The following ATRNL1 variants were observed in gnomAD, a reference collection of about 807,000 sequenced individuals.
The protein encoded by ATRNL1 is attractin like 1.
ATRNL1 carries 95 observed loss-of-function variants against 182.7 expected under a neutral mutation model. That is an observed-to-expected ratio of 0.52 (90% confidence interval 0.44 to 0.62). The LOEUF is 0.62. Among genes scored for constraint, ATRNL1 ranks in the 20% least tolerant of loss-of-function variants. The pLI is 0.00. For missense variants in ATRNL1, 1,471 were observed against 1,679.5 expected (o/e 0.88, Z 2.17); for synonymous variants, 576 against 568.3 (o/e 1.01, Z -0.19).
Position 115,185,866 on chromosome 10 carries a change from A to T in ATRNL1, c.1348+14574A>T, listed in dbSNP as rs139229811. On this transcript the variant is annotated intron_variant, in intron 8 of 28. Coordinates refer to ENST00000355044, the MANE Select transcript of ATRNL1 (RefSeq NM_207303.4). Reference sequence around the variant, plus strand: ...AATTGGACACTGTGTGCCTTTGTATATAATACCTACAGAAAGAGACATTAC... The same window carrying T: ...AATTGGACACTGTGTGCCTTTGTATTTAATACCTACAGAAAGAGACATTAC... 6.8e-3 allele frequency among the ~76,000 whole-genome samples: 1,031 copies of T among 152,174 alleles called. 4 individuals carry two copies. The highest frequency in any genetic ancestry group is 7.5e-3 in the Non-Finnish European group (507 of 67,970).
chr10:115,618,475 A>G (rs1857551788), intron 26 of ATRNL1, among the ~76,000 whole-genome samples: 2 of 152,128 alleles, frequency 1.3e-5, no homozygotes, highest in Admixed American at 6.5e-5. Context: ...ACTTATTTGC[A>G]TAATGGTATT....
At chr10:115,472,918 T>C (rs1848370383) in intron 24 of ATRNL1, among the ~76,000 whole-genome samples, 2 of 151,138 alleles carry the variant, frequency 1.3e-5, no homozygotes, top group Admixed American at 6.6e-5. Context: ...GTTTCTTTGC[T>C]AAAATTAGAG....
intron 19 of ATRNL1, among the ~76,000 whole-genome samples, chr10:115,382,007 A>G (rs1489508792): frequency 6.6e-6 from 1 of 152,158 alleles, no homozygotes; most frequent in Non-Finnish European, 1.5e-5. Flanking sequence ...TCAATTGGCC[A>G]TAAGTGTAAT....
chr10:115,138,400 T>C (rs1179915645), intron 5 of ATRNL1, among the ~76,000 whole-genome samples: 1 of 152,222 alleles, frequency 6.6e-6, no homozygotes, highest in African/African-American at 2.4e-5. Flanking sequence ...AGGTTCTCCA[T>C]GAGGGCTCTG....
At chr10:115,151,068 T>C (rs1846204031) in intron 5 of ATRNL1, among the ~76,000 whole-genome samples, 1 of 152,268 alleles carries the variant, frequency 6.6e-6, no homozygotes, top group Non-Finnish European at 1.5e-5. Context: ...TTTTTATTGC[T>C]GCATAGTATG....
intron 1 of ATRNL1, among the ~76,000 whole-genome samples, chr10:115,106,456 T>C (rs1172978066): frequency 6.6e-6 from 1 of 152,094 alleles, no homozygotes; most frequent in Non-Finnish European, 1.5e-5. Context: ...TGTTTTGAAA[T>C]GTGAGGACAT....
chr10:115,660,758 T>C (rs1860632448), intron 26 of ATRNL1, among the ~76,000 whole-genome samples: 1 of 152,162 alleles, frequency 6.6e-6, no homozygotes, highest in South Asian at 2.1e-4. Flanking sequence ...TTTCAAGTAT[T>C]TTTTTCCCTG....
chr10:115,478,490 GCTT>G (rs1287554446), intron 24 of ATRNL1, among the ~76,000 whole-genome samples: 1 of 151,684 alleles, frequency 6.6e-6, no homozygotes, highest in Admixed American at 6.6e-5. Flanking sequence ...ATGACACTGT[GCTT>G]CTTTTAGGCC....
At chr10:115,369,056 C>T (rs1482707380) in intron 19 of ATRNL1, among the ~76,000 whole-genome samples, 1 of 151,976 alleles carries the variant, frequency 6.6e-6, no homozygotes, top group African/African-American at 2.4e-5. Flanking sequence ...TGAAATCATA[C>T]AGTATTAGTC....
intron 26 of ATRNL1, among the ~76,000 whole-genome samples, chr10:115,613,373 A>AACACCCCTAC (rs1555019660): frequency 6.6e-6 from 1 of 152,180 alleles, no homozygotes; most frequent in African/African-American, 2.4e-5. Flanking sequence ...CCCTCATGTA[A>AACACCCCTAC]ATCCCACTGT....
intron 9 of ATRNL1, among the ~76,000 whole-genome samples, chr10:115,219,941 T>A (rs1208303789): frequency 6.6e-6 from 1 of 151,840 alleles, no homozygotes; most frequent in Non-Finnish European, 1.5e-5. Context: ...AATGTGCACA[T>A]AACATATCCT....
At chr10:115,219,785 C>T (rs1374267539) in intron 9 of ATRNL1, among the ~76,000 whole-genome samples, 1 of 152,044 alleles carries the variant, frequency 6.6e-6, no homozygotes, top group Non-Finnish European at 1.5e-5. Flanking sequence ...CACCTGTAGT[C>T]CCAGCTACTT....
intron 8 of ATRNL1, among the ~76,000 whole-genome samples, chr10:115,184,354 A>G (rs1847858464): frequency 1.3e-5 from 2 of 151,392 alleles, no homozygotes; most frequent in African/African-American, 2.4e-5. Flanking sequence ...GCAAGATTAT[A>G]TATATATATA....
Position 115,466,972 on chromosome 10 carries a change from G to T in ATRNL1, c.3418-202G>T, listed in dbSNP as rs182340389. ...CCAAATTATAATAGAGAAGATAAATGAGGAACTTGATATCTACCTTTGAAT... is the reference window on the plus strand; with the variant it reads ...CCAAATTATAATAGAGAAGATAAATTAGGAACTTGATATCTACCTTTGAAT... On this transcript the variant is annotated intron_variant, in intron 22 of 28. Coordinates refer to ENST00000355044, the MANE Select transcript of ATRNL1 (RefSeq NM_207303.4). Among the ~76,000 whole-genome samples, 305 of 151,078 alleles carry T rather than the reference G, an allele frequency of 2.0e-3. 1 individual carries two copies. Among genetic ancestry groups the T allele is most frequent in the African/African-American group, 6.9e-3 (286 of 41,452 alleles).
intron 27 of ATRNL1, among the ~76,000 whole-genome samples, chr10:115,773,917 A>C (rs1949056017): frequency 6.6e-6 from 1 of 152,128 alleles, no homozygotes; most frequent in Admixed American, 6.5e-5. Flanking sequence ...GTGATCTTCT[A>C]TGGGAAAGTA....
chr10:115,703,099 A>G (rs1279622491), intron 26 of ATRNL1, among the ~76,000 whole-genome samples: 1 of 152,084 alleles, frequency 6.6e-6, no homozygotes. Flanking sequence ...TCGCAGAAGT[A>G]AAGCCACACA....
intron 10 of ATRNL1, among the ~76,000 whole-genome samples, chr10:115,246,262 A>T (rs1221948676): frequency 1.3e-5 from 2 of 152,178 alleles, no homozygotes; most frequent in Non-Finnish European, 2.9e-5. Context: ...TGTATTCAGA[A>T]TTTAAAGTTA....
chr10:115,241,227 T>C (rs576007868), intron 9 of ATRNL1, among the ~76,000 whole-genome samples: 1 of 152,024 alleles, frequency 6.6e-6, no homozygotes, highest in South Asian at 2.1e-4. Context: ...ACTTTTTACT[T>C]ATTTGGTATT....
chr10:115,295,515 T>A (rs2133962300), intron 15 of ATRNL1, among the ~76,000 whole-genome samples: 1 of 152,262 alleles, frequency 6.6e-6, no homozygotes, highest in South Asian at 2.1e-4. Context: ...TGATTGCCAG[T>A]GCAAGGCTTT....
Sources: allele counts gnomAD v4.1 joint callset (sites outside exome capture counted in the v4.1 genomes callset), GRCh38; gene constraint gnomAD v4.1.1; transcripts MANE v1.5; gene names NCBI Gene and HGNC (gene_info 2026-07-23, HGNC 2026-07-21).